The following CCDC171 variants were observed in gnomAD, a reference collection of about 807,000 sequenced individuals.
The protein encoded by CCDC171 is coiled-coil domain containing 171, also known as coiled-coil domain-containing protein 171.
In CCDC171, 177 loss-of-function variants were observed where a neutral mutation model predicts 168.2. That is an observed-to-expected ratio of 1.05 (90% CI 0.93 to 1.19). The LOEUF is 1.19. Ranked by LOEUF, CCDC171 falls within the 50% of genes most tolerant of loss-of-function variation. The pLI, the probability that CCDC171 is intolerant of heterozygous loss-of-function variation, is 0.00. For missense variants in CCDC171, 1,991 were observed against 1,539.0 expected, an observed-to-expected ratio of 1.29 and a Z score of -4.91; for synonymous variants, 687 against 540.8, an observed-to-expected ratio of 1.27 and a Z score of -3.75.
intron 21 of CCDC171, among the ~76,000 whole-genome samples, chr9:15,808,002 G>T (rs375562665): frequency 1.3e-5 from 2 of 151,604 alleles, no homozygotes; most frequent in East Asian, 1.9e-4. Flanking sequence ...TACATATTTT[G>T]TCCAGTTTTA....
intron 6 of CCDC171, among the ~76,000 whole-genome samples, chr9:15,609,750 T>C (rs551471536): frequency 4.6e-5 from 7 of 152,320 alleles, no homozygotes; most frequent in African/African-American, 1.7e-4. Context: ...AGTCTTGATA[T>C]CTGGTAGAGA....
intron 16 of CCDC171, among the ~76,000 whole-genome samples, chr9:15,743,634 G>C (rs1159798895): frequency 6.6e-6 from 1 of 152,196 alleles, no homozygotes; most frequent in African/African-American, 2.4e-5. Flanking sequence ...AGGCAAAAAG[G>C]AGCAGAGGGC....
At chr9:15,711,884 C>T (rs2052693679) in intron 11 of CCDC171, among the ~76,000 whole-genome samples, 3 of 152,336 alleles carry the variant, frequency 2.0e-5, no homozygotes, top group African/African-American at 7.2e-5. Context: ...ACTACCCATA[C>T]CCTATTGCTT....
intron 25 of CCDC171, among the ~76,000 whole-genome samples, chr9:15,934,389 C>CAAAAAAAAAAAAAAA (rs71304892): frequency 8.7e-6 from 1 of 114,286 alleles, no homozygotes; most frequent in African/African-American, 3.7e-5. Flanking sequence ...GACCCTGTCT[C>CAAAAAAAAAAAAAAA]AAAAAAAAAA....
intron 24 of CCDC171, among the ~76,000 whole-genome samples, chr9:15,892,615 C>G (rs925136958): frequency 1.3e-5 from 2 of 151,998 alleles, no homozygotes; most frequent in African/African-American, 4.8e-5. Flanking sequence ...AGTACAAAAT[C>G]GGTGTGCAAA....
intron 25 of CCDC171, among the ~76,000 whole-genome samples, chr9:15,970,954 A>G (rs995655943): frequency 4.6e-5 from 7 of 152,132 alleles, no homozygotes; most frequent in African/African-American, 1.4e-4. Context: ...AGTGACTTAA[A>G]TCAAGAATTA....
intron 10 of CCDC171, among the ~76,000 whole-genome samples, chr9:15,686,336 G>A (rs935461908): frequency 6.6e-6 from 1 of 151,928 alleles, no homozygotes; most frequent in African/African-American, 2.4e-5. Context: ...TTCTTCCTCT[G>A]GATCCATTTG....
chr9:15,900,696 T>C (rs1821512990), intron 24 of CCDC171, among the ~76,000 whole-genome samples: 1 of 152,208 alleles, frequency 6.6e-6, no homozygotes, highest in South Asian at 2.1e-4. Context: ...AGATTTTGAT[T>C]ATTGGAGCTT....
intron 7 of CCDC171, among the ~76,000 whole-genome samples, chr9:15,631,882 A>G (rs1254180515): frequency 2.6e-5 from 4 of 152,200 alleles, no homozygotes; most frequent in East Asian, 1.9e-4. Context: ...AAATCAATAA[A>G]TGTAATCCAT....
chr9:15,651,334 C>A (rs2047505842), intron 7 of CCDC171, among the ~76,000 whole-genome samples: 1 of 152,028 alleles, frequency 6.6e-6, no homozygotes, highest in East Asian at 1.9e-4. Flanking sequence ...GTCTTGAACT[C>A]CTGACCTCAG....
In CCDC171 at chr9:15,724,767, C is replaced by T. The variant is rs982571992; in HGVS notation, c.1492-9C>T. The T allele has an allele frequency of 1.2e-6, 2 of 1,605,974 alleles. No homozygotes were observed. The highest frequency in any genetic ancestry group is 2.7e-5 in the African/African-American group (2 of 74,706). On this transcript the variant is annotated splice_polypyrimidine_tract_variant and intron_variant, in intron 13 of 25. Coordinates refer to ENST00000380701, the MANE Select transcript of CCDC171 (RefSeq NM_173550.4). Reference sequence around the variant, plus strand: ...TTTCTACAATCTCTTTATTTGGTATCTATGACAGGAACTTCAGGATAAACT... The same window carrying T: ...TTTCTACAATCTCTTTATTTGGTATTTATGACAGGAACTTCAGGATAAACT...
chr9:15,578,413 T>G (rs1411325884), intron 3 of CCDC171, among the ~76,000 whole-genome samples: 182 of 15,186 alleles, frequency 0.012, 1 homozygote, highest in African/African-American at 0.04. Flanking sequence ...TTTTGTATTA[T>G]TATTATTATT....
intron 3 of CCDC171, among the ~76,000 whole-genome samples, chr9:15,998,886 A>G (rs911726411): frequency 6.6e-6 from 1 of 152,196 alleles, no homozygotes; most frequent in Non-Finnish European, 1.5e-5. Context: ...CAGAACAGGA[A>G]AGATGGGTCT....
chr9:16,106,655 G>C, the CCDC171 span, among the ~76,000 whole-genome samples: 4 of 152,324 alleles, frequency 2.6e-5, no homozygotes, highest in South Asian at 4.1e-4. Flanking sequence ...TGAGAAGTCA[G>C]ATCTTCCGCC....
rs573136963 is a variant in CCDC171 at position 15,716,487 on chromosome 9, G to C, written c.1319-5282G>C. Among the ~76,000 whole-genome samples, 620 of 152,162 alleles carry C rather than the reference G, an allele frequency of 4.1e-3. 1 individual carries two copies. The highest frequency in any genetic ancestry group is 6.6e-3 in the Admixed American group (101 of 15,278). On this transcript the variant is annotated intron_variant, in intron 11 of 25. Transcript: ENST00000380701. ...TTTTTTATTTGTAAGCATTTTGTCA[G>C]GTTAAGGGACCAGTAAGTGTTTCTT...
At chr9:15,597,581 A>G (rs1269036346) in intron 6 of CCDC171, among the ~76,000 whole-genome samples, 1 of 152,146 alleles carries the variant, frequency 6.6e-6, no homozygotes, top group African/African-American at 2.4e-5. Flanking sequence ...ATTGATGTTC[A>G]TCAGGGATAT....
chr9:15,600,210 A>C (rs1232151866), intron 6 of CCDC171, among the ~76,000 whole-genome samples: 1 of 151,884 alleles, frequency 6.6e-6, no homozygotes, highest in African/African-American at 2.4e-5. Context: ...GGGGAGAGGC[A>C]CTCTGATTTT....
At chr9:15,629,662 A>G (rs1226493355) in intron 7 of CCDC171, among the ~76,000 whole-genome samples, 2 of 152,232 alleles carry the variant, frequency 1.3e-5, no homozygotes, top group East Asian at 3.8e-4. Context: ...ATTCAGATTC[A>G]GGAAATACAG....
At chr9:15,916,448 A>G (rs890223436) in intron 24 of CCDC171, among the ~76,000 whole-genome samples, 12 of 152,188 alleles carry the variant, frequency 7.9e-5, no homozygotes, top group African/African-American at 2.4e-4. Context: ...ATATAATTAT[A>G]TGAATTAAAG....
Sources: allele counts gnomAD v4.1 joint callset (sites outside exome capture counted in the v4.1 genomes callset), GRCh38; gene constraint gnomAD v4.1.1; transcripts MANE v1.5; gene names NCBI Gene and HGNC (gene_info 2026-07-23, HGNC 2026-07-21).